DACH1: variants seen among roughly 807,000 people sequenced by gnomAD.
DACH1 encodes dachshund homolog 1.
A neutral mutation model predicts 54.2 loss-of-function variants in DACH1; 12 were observed. That is an observed-to-expected ratio of 0.22 (90% CI 0.14 to 0.36). The LOEUF is 0.36. Ranked by LOEUF, DACH1 falls within the 10% of genes least tolerant of loss-of-function variation. DACH1 has a pLI of 1.00. For missense variants in DACH1, 805 were observed against 929.8 expected, an observed-to-expected ratio of 0.87 and a Z score of 1.75; for synonymous variants, 386 against 366.2, an observed-to-expected ratio of 1.05 and a Z score of -0.62.
At chr13:71,656,883 T>C (rs1303031650) in intron 2 of DACH1, among the ~76,000 whole-genome samples, 3 of 142,368 alleles carry the variant, frequency 2.1e-5, no homozygotes, top group African/African-American at 7.7e-5. Flanking sequence ...TGAAAACTCA[T>C]CTCCTTTACC....
rs543016803 is a variant in DACH1 at position 71,448,850 on chromosome 13, C to T, written c.2084-8158G>A. ...TTTTTTTTTTTTTTCAAGGTTGTAA[C>T]TGGGGAACCTGAGGCCTACAGAGTT... On this transcript the variant is annotated intron_variant, in intron 10 of 10. Coordinates refer to ENST00000613252, the MANE Select transcript of DACH1 (RefSeq NM_080759.6). Among the ~76,000 whole-genome samples the T allele has an allele frequency of 9.3e-5, 13 of 139,860 alleles. 1 individual carries two copies. The highest frequency in any genetic ancestry group is 3.4e-4 in the African/African-American group (13 of 38,358). 91.8% of individuals were successfully genotyped at this position (139,860 alleles called of 152,430 possible).
At chr13:71,675,169 G>C (rs940314848) in intron 2 of DACH1, 4 of 1,582,334 alleles carry the variant, frequency 2.5e-6, no homozygotes, top group East Asian at 4.5e-5. Flanking sequence ...TACTGGAGGG[G>C]TGAAGAAACC....
At chr13:71,787,901 C>T (rs1023190336) in intron 1 of DACH1, among the ~76,000 whole-genome samples, 22 of 152,072 alleles carry the variant, frequency 1.4e-4, no homozygotes, top group African/African-American at 4.6e-4. Flanking sequence ...TGTCAATAAA[C>T]AAAAGATAAA....
chr13:71,636,723 CTT>C (rs1877514786), intron 2 of DACH1, among the ~76,000 whole-genome samples: 1 of 151,698 alleles, frequency 6.6e-6, no homozygotes, highest in Non-Finnish European at 1.5e-5. Flanking sequence ...GTATATCAAA[CTT>C]GGGTTAATAC....
intron 3 of DACH1, among the ~76,000 whole-genome samples, chr13:71,586,511 A>G (rs747214728): frequency 6.6e-6 from 1 of 152,092 alleles, no homozygotes; most frequent in Non-Finnish European, 1.5e-5. Flanking sequence ...ACAGTGTAAT[A>G]CTCTGACATT....
chr13:71,841,417 TA>T (rs1419741236), intron 1 of DACH1, among the ~76,000 whole-genome samples: 1 of 152,168 alleles, frequency 6.6e-6, no homozygotes, highest in Non-Finnish European at 1.5e-5. Context: ...TATTTTCTAA[TA>T]AGGAATAAAT....
chr13:71,497,251 C>T (rs1256044535), intron 6 of DACH1, among the ~76,000 whole-genome samples: 1 of 151,840 alleles, frequency 6.6e-6, no homozygotes, highest in Admixed American at 6.6e-5. Flanking sequence ...ATCAATTATA[C>T]ATTTTATAAA....
At chr13:71,612,882 C>A (rs1875438959) in intron 3 of DACH1, among the ~76,000 whole-genome samples, 1 of 152,142 alleles carries the variant, frequency 6.6e-6, no homozygotes. Context: ...AGCATTCCTG[C>A]TTAGTGAGTA....
intron 9 of DACH1, 73 bp from the exon 10 acceptor site, chr13:71,475,282 C>T (rs1342173713): frequency 1.6e-6 from 2 of 1,234,420 alleles, no homozygotes; most frequent in Admixed American, 1.8e-5. Context: ...AAAAGAGCAA[C>T]CTGTTACTTT....
rs776356460 is a variant in DACH1, at chr13:71,778,091, ACAAT to A, written c.848+87827_848+87830del. ...TAGGCGACAGAGTGAGACCCTGTCTACAATAAATAAATAAATAAATAAATAAATA... is the reference window on the plus strand; with the variant it reads ...TAGGCGACAGAGTGAGACCCTGTCTAAAATAAATAAATAAATAAATAAATA... On this transcript the variant is annotated intron_variant, in intron 1 of 10. Coordinates refer to ENST00000613252, the MANE Select transcript of DACH1 (RefSeq NM_080759.6). 8.8e-3 allele frequency among the ~76,000 whole-genome samples: 1,168 copies of A among 132,922 alleles called. 12 individuals are homozygous for A. Among genetic ancestry groups the A allele is most frequent in the Middle Eastern group, 0.015 (4 of 266 alleles). The allele number at this position is 132,922 out of a possible 152,430, so 87.2% of individuals were successfully genotyped here.
At chr13:71,739,209 G>A (rs766383788) in intron 1 of DACH1, among the ~76,000 whole-genome samples, 8 of 151,958 alleles carry the variant, frequency 5.3e-5, no homozygotes, top group Admixed American at 1.3e-4. Context: ...CCGAGATCGC[G>A]CCATTGCATT....
chr13:71,708,150 C>A (rs1332569069), intron 1 of DACH1, among the ~76,000 whole-genome samples: 1 of 148,280 alleles, frequency 6.7e-6, no homozygotes, highest in African/African-American at 2.5e-5. Context: ...AAAATAAAAA[C>A]CCTGATTAAG....
intron 6 of DACH1, among the ~76,000 whole-genome samples, chr13:71,510,140 C>T (rs1275996586): frequency 6.6e-6 from 1 of 152,004 alleles, no homozygotes; most frequent in East Asian, 1.9e-4. Context: ...TCTCCCAAAA[C>T]CTCAATAGCA....
Position 71,479,329 on chromosome 13 carries a change from G to T in DACH1, c.1723-13C>A. ...CTTTCAACAGCCCCTGTACAAAGAAGATATTCGGAATGGTAATATTTTAAT... is the reference window on the plus strand; with the variant it reads ...CTTTCAACAGCCCCTGTACAAAGAATATATTCGGAATGGTAATATTTTAAT... On this transcript the variant is annotated splice_polypyrimidine_tract_variant and intron_variant, in intron 7 of 10. Transcript: ENST00000613252. The T allele has an allele frequency of 6.3e-7, 1 of 1,599,606 alleles. No individual in the cohort carries two copies. Among genetic ancestry groups the T allele is most frequent in the Non-Finnish European group, 8.5e-7 (1 of 1,176,090 alleles).
At chr13:71,730,575 G>A (rs1883696006) in intron 1 of DACH1, among the ~76,000 whole-genome samples, 1 of 152,160 alleles carries the variant, frequency 6.6e-6, no homozygotes, top group East Asian at 1.9e-4. Flanking sequence ...TATTGTGTGA[G>A]CATGTACATA....
chr13:71,479,938 G>A (rs1389971509), intron 7 of DACH1, among the ~76,000 whole-genome samples: 2 of 152,084 alleles, frequency 1.3e-5, no homozygotes, highest in Non-Finnish European at 2.9e-5. Flanking sequence ...CCATTCAAGA[G>A]AGGCCATCTC....
At chr13:71,745,862 A>C (rs559937699) in intron 1 of DACH1, among the ~76,000 whole-genome samples, 2 of 152,358 alleles carry the variant, frequency 1.3e-5, no homozygotes, top group African/African-American at 4.8e-5. Flanking sequence ...AAAACATTAG[A>C]GTTATCTATA....
At chr13:71,796,147 G>T (rs1413493783) in intron 1 of DACH1, among the ~76,000 whole-genome samples, 1 of 152,052 alleles carries the variant, frequency 6.6e-6, no homozygotes, top group Non-Finnish European at 1.5e-5. Context: ...TTCTGCAAGT[G>T]ACTTCACAAT....
chr13:71,805,365 C>T (rs749171447), intron 1 of DACH1, among the ~76,000 whole-genome samples: 1 of 152,182 alleles, frequency 6.6e-6, no homozygotes, highest in Non-Finnish European at 1.5e-5. Context: ...AAAGAGTCAA[C>T]ATTTTCTATT....
Sources: allele counts gnomAD v4.1 joint callset (sites outside exome capture counted in the v4.1 genomes callset), GRCh38; gene constraint gnomAD v4.1.1; transcripts MANE v1.5; gene names NCBI Gene and HGNC (gene_info 2026-07-23, HGNC 2026-07-21).